The following SAMD3 variants were observed in gnomAD, a reference collection of about 807,000 sequenced individuals.
SAMD3 encodes the protein sterile alpha motif domain containing 3, also known as sterile alpha motif domain-containing protein 3.
SAMD3 carries 63 observed loss-of-function variants against 58.5 expected under a neutral mutation model. That is an observed-to-expected ratio of 1.08 (90% CI 0.88 to 1.33). The LOEUF (loss-of-function observed/expected upper bound fraction) is 1.33, where lower values mean the gene tolerates loss of function less well. Among genes scored for constraint, SAMD3 ranks in the 40% most tolerant of loss-of-function variants. The pLI, the probability that SAMD3 is intolerant of heterozygous loss-of-function variation, is 0.00. For synonymous variants in SAMD3, 220 were observed against 210.3 expected (o/e 1.05, Z -0.40); for missense variants, 604 against 608.4 (o/e 0.99, Z 0.08).
intron 1 of SAMD3, among the ~76,000 whole-genome samples, chr6:130,359,962 C>T (rs544410045): frequency 6.6e-6 from 1 of 152,276 alleles, no homozygotes; most frequent in South Asian, 2.1e-4. Context: ...ATCCAGTTTC[C>T]AGCCATGGCC....
intron 8 of SAMD3, among the ~76,000 whole-genome samples, chr6:130,172,430 G>C (rs1339569128): frequency 6.6e-6 from 1 of 152,160 alleles, no homozygotes; most frequent in Admixed American, 6.5e-5. Flanking sequence ...GCATTTGCTT[G>C]TCTGTAGAGG....
intron 1 of SAMD3, among the ~76,000 whole-genome samples, chr6:130,350,095 A>T (rs957115522): frequency 3.6e-4 from 55 of 152,340 alleles, no homozygotes; most frequent in East Asian, 5.8e-4. Context: ...GCTATCTATG[A>T]CAAACCCACA....
intron 2 of SAMD3, among the ~76,000 whole-genome samples, chr6:130,248,316 C>T (rs1178057270): frequency 6.6e-6 from 1 of 152,002 alleles, no homozygotes; most frequent in African/African-American, 2.4e-5. Flanking sequence ...CAGCCAATGG[C>T]CCCAACAAAT....
At position 130,331,127 on chromosome 6, in the gene SAMD3, T is replaced by G. The variant is rs75168149; in HGVS notation, c.-303-18034A>C. Among the ~76,000 whole-genome samples, 767 of 152,328 alleles carry G rather than the reference T, an allele frequency of 5.0e-3. 6 individuals are homozygous for G. Among genetic ancestry groups the G allele is most frequent in the African/African-American group, 0.017 (713 of 41,588 alleles). ...ATATATGAGCAGAAAAAGTAGAATT[T>G]GCATGAAGCTCCCAAACAAAGAAGT... On this transcript the variant is annotated intron_variant, in intron 1 of 13. Transcript: ENST00000368134.
chr6:130,215,616 C>A lies in SAMD3; in HGVS notation c.-21-322G>T, dbSNP rs144235382. 7.9e-4 allele frequency: 1,093 copies of A among 1,387,342 alleles called. 5 individuals are homozygous for A. In the African/African-American group the frequency reaches 0.012, roughly 15 times the overall value. The allele number at this position is 1,387,342 out of a possible 1,614,324, so 85.9% of individuals were successfully genotyped here. A position where few individuals can be genotyped will look rare whatever the true frequency, so the allele number is the denominator to read the frequency against. On this transcript the variant is annotated intron_variant, in intron 2 of 11. Transcript: ENST00000439090. ...CATACAATGGTACCCAATCCTGTAC[C>A]ATTAACACCCAGGTTTCTTCACAAA... is the stretch of plus-strand genomic sequence containing the variant.
chr6:130,292,839 C>T lies in SAMD3; in HGVS notation c.-188+20139G>A, dbSNP rs190997574. On this transcript the variant is annotated intron_variant, in intron 2 of 13. Coordinates refer to the SAMD3 transcript ENST00000368134. ...TTCACTGTGTTAGCCAGGATGGTCT[C>T]GATCTCCTGACCTCGTGATCTGCCC... 4.2e-3 allele frequency among the ~76,000 whole-genome samples: 623 copies of T among 149,546 alleles called. 5 individuals are homozygous for T. Among genetic ancestry groups the T allele is most frequent in the African/African-American group, 0.014 (579 of 40,582 alleles).
chr6:130,296,734 G>A (rs1775582767), intron 2 of SAMD3, among the ~76,000 whole-genome samples: 1 of 152,104 alleles, frequency 6.6e-6, no homozygotes, highest in African/African-American at 2.4e-5. Context: ...GCCTGCTCTG[G>A]ACCAAGGGAA....
intron 2 of SAMD3, among the ~76,000 whole-genome samples, chr6:130,288,664 A>T (rs1775255645): frequency 6.6e-6 from 1 of 152,248 alleles, no homozygotes. Flanking sequence ...ATGTTTAGGT[A>T]ACTCCAAATC....
chr6:130,191,766 A>T (rs1409498320), intron 5 of SAMD3, among the ~76,000 whole-genome samples: 2 of 152,116 alleles, frequency 1.3e-5, no homozygotes, highest in Non-Finnish European at 2.9e-5. Context: ...TTAAAATTCT[A>T]TGAGAAAAAT....
At chr6:130,285,495 A>G (rs1775124688) in intron 2 of SAMD3, among the ~76,000 whole-genome samples, 3 of 152,230 alleles carry the variant, frequency 2.0e-5, no homozygotes, top group Non-Finnish European at 2.9e-5. Context: ...ATGAGAGGTC[A>G]TGATGCCCAA....
intron 1 of SAMD3, among the ~76,000 whole-genome samples, chr6:130,345,014 A>G (rs893179696): frequency 6.6e-6 from 1 of 151,920 alleles, no homozygotes; most frequent in African/African-American, 2.4e-5. Flanking sequence ...GGGATGCTTT[A>G]TGAACCAAAA....
chr6:130,194,460 A>G (rs1227261913), intron 5 of SAMD3, among the ~76,000 whole-genome samples: 1 of 152,130 alleles, frequency 6.6e-6, no homozygotes, highest in Non-Finnish European at 1.5e-5. Flanking sequence ...AATTAACCTC[A>G]CCTTCAAGGT....
chr6:130,257,131 A>G (rs1045078474), intron 2 of SAMD3, among the ~76,000 whole-genome samples: 2 of 152,130 alleles, frequency 1.3e-5, no homozygotes, highest in Non-Finnish European at 2.9e-5. Flanking sequence ...CTGTTGCCTT[A>G]TAATAAGGGA....
upstream of SAMD3, chr6:130,365,846 C>T (rs1036134874): frequency 4.1e-6 from 4 of 985,502 alleles, no homozygotes; most frequent in African/African-American, 5.2e-5. Flanking sequence ...CTGCGTCCTC[C>T]AGGAGGAGTG....
At chr6:130,210,546 C>G (rs948362723) in intron 4 of SAMD3, among the ~76,000 whole-genome samples, 1 of 150,314 alleles carries the variant, frequency 6.7e-6, no homozygotes, top group African/African-American at 2.5e-5. Context: ...TTGCAGTGAG[C>G]TGAAATCATG....
Position 130,360,989 on chromosome 6 carries a change from T to C in SAMD3, c.-304+4131A>G, listed in dbSNP as rs144558375. 3.0e-3 allele frequency among the ~76,000 whole-genome samples: 459 copies of C among 152,298 alleles called. 5 individuals are homozygous for C. The highest frequency in any genetic ancestry group is 0.011 in the African/African-American group (446 of 41,556). On this transcript the variant is annotated intron_variant, in intron 1 of 13. Coordinates refer to the SAMD3 transcript ENST00000368134. ...GTTATCTCTCTTATTCCCTGAACAA[T>C]TGCTGTTATACTGTTCTTTTTTCAA...
intron 2 of SAMD3, among the ~76,000 whole-genome samples, chr6:130,273,364 C>A (rs1774640685): frequency 1.3e-5 from 2 of 152,098 alleles, no homozygotes; most frequent in Admixed American, 1.3e-4. Context: ...TCTATCACTT[C>A]ACTTTTAGCC....
intron 4 of SAMD3, among the ~76,000 whole-genome samples, chr6:130,209,959 A>C (rs1795390674): frequency 6.6e-6 from 1 of 152,204 alleles, no homozygotes; most frequent in South Asian, 2.1e-4. Flanking sequence ...TTAAATAGTA[A>C]ACTCTGCCAG....
chr6:130,287,591 C>A (rs1775201873), intron 2 of SAMD3, among the ~76,000 whole-genome samples: 1 of 152,054 alleles, frequency 6.6e-6, no homozygotes, highest in Non-Finnish European at 1.5e-5. Flanking sequence ...GTAGAACACA[C>A]AAGGGAGAGA....
Sources: gnomAD v4.1 joint callset for allele counts (sites outside exome capture counted in the v4.1 genomes callset) on GRCh38, gnomAD v4.1.1 for gene constraint, MANE v1.5 for transcripts, NCBI Gene and HGNC (gene_info 2026-07-23, HGNC 2026-07-21) for gene names.